The following TSHZ2 variants were observed in gnomAD, a reference collection of about 807,000 sequenced individuals.
TSHZ2 encodes teashirt homolog 2.
In TSHZ2, 21 loss-of-function variants were observed where a neutral mutation model predicts 74.4. The ratio of observed to expected loss-of-function variants is 0.28; its 90% CI spans 0.20 to 0.41. The LOEUF is 0.41. Ranked by LOEUF, TSHZ2 falls within the 10% of genes least tolerant of loss-of-function variation. The probability of loss-of-function intolerance (pLI) is 1.00; values close to 1 mark genes in which losing one functional copy is unlikely to be tolerated. For synonymous variants in TSHZ2, 540 were observed against 515.3 expected (o/e 1.05, Z -0.65); for missense variants, 1,244 against 1,293.5 (o/e 0.96, Z 0.59).
At chr20:53,153,935 C>T (rs570609567) in intron 1 of TSHZ2, among the ~76,000 whole-genome samples, 1 of 152,290 alleles carries the variant, frequency 6.6e-6, no homozygotes, top group Admixed American at 6.5e-5. Context: ...TAGGCTTGTT[C>T]CCATGGTGGT....
chr20:53,135,037 A>AC (rs1424570713), intron 1 of TSHZ2, among the ~76,000 whole-genome samples: 2 of 92,010 alleles, frequency 2.2e-5, no homozygotes, highest in South Asian at 3.4e-4. Flanking sequence ...CACACACACA[A>AC]GGGTTGTGGC....
intron 2 of TSHZ2, among the ~76,000 whole-genome samples, chr20:53,395,890 G>C (rs950927941): frequency 1.3e-5 from 2 of 152,176 alleles, no homozygotes; most frequent in African/African-American, 4.8e-5. Context: ...ACATGACCTT[G>C]GGGTAATGAG....
chr20:53,256,125 G>T lies in TSHZ2; in HGVS notation c.2667G>T (p.Thr889=), dbSNP rs374438468. 3.1e-6 allele frequency: 5 copies of T among 1,613,922 alleles called. No homozygotes were observed. In the African/African-American group the frequency reaches 6.7e-5, roughly 22 times the overall value. ...PQERMQISKF[T]GLSMTTISHW... is the part of the protein sequence containing the mutation. ...AGCGTATGCAAATCTCTAAGTTTAC[G>T]GGACTCTCAATGACCACTATCAGTC... is the stretch of plus-strand genomic sequence containing the variant. The change falls in exon 2 of 3, where the codon ACG becomes ACT. Residue 889 remains threonine, a synonymous_variant. Coordinates refer to ENST00000371497, the MANE Select transcript of TSHZ2 (RefSeq NM_173485.6). This position sits in a 1 kb window ranked among gnomAD's most constrained non-coding sequence, Gnocchi z 4.3.
At chr20:53,451,709 A>G (rs929770880) in intron 2 of TSHZ2, among the ~76,000 whole-genome samples, 1 of 152,128 alleles carries the variant, frequency 6.6e-6, no homozygotes, top group Non-Finnish European at 1.5e-5. Flanking sequence ...TCTTTTTCAT[A>G]CTTTTCTCTA....
intron 2 of TSHZ2, among the ~76,000 whole-genome samples, chr20:53,451,525 G>A (rs1329619331): frequency 6.6e-6 from 1 of 152,032 alleles, no homozygotes; most frequent in African/African-American, 2.4e-5. Context: ...AGATATTTTG[G>A]GACTTCTCTT....
Position 52,973,029 on chromosome 20 carries a change from T to TAAAC in TSHZ2, c.-250_-247dup, listed in dbSNP as rs371279291. Reference sequence around the variant, plus strand: ...AAGAGAGAGGAAAAAAAATTCAAAATAAACAAACAAACAAACAAGGCAGAA... The same window carrying TAAAC: ...AAGAGAGAGGAAAAAAAATTCAAAATAAACAAACAAACAAACAAACAAGGCAGAA... On this transcript the variant is annotated 5_prime_UTR_variant, in exon 1 of 3. It introduces an in-frame stop codon into an upstream open reading frame of the 5' UTR. Coordinates refer to ENST00000371497, the MANE Select transcript of TSHZ2 (RefSeq NM_173485.6). The TAAAC allele has an allele frequency of 1.2e-4, 44 of 380,768 alleles. No homozygotes were observed. The highest frequency in any genetic ancestry group is 3.7e-4 in the African/African-American group (16 of 43,586). 23.6% of individuals were successfully genotyped at this position (380,768 alleles called of 1,614,324 possible). A position where few individuals can be genotyped will look rare whatever the true frequency, so the allele number is the denominator to read the frequency against.
At chr20:53,169,784 C>T (rs1014065372) in intron 1 of TSHZ2, among the ~76,000 whole-genome samples, 1 of 152,090 alleles carries the variant, frequency 6.6e-6, no homozygotes, top group Non-Finnish European at 1.5e-5. Flanking sequence ...ATTTGCATAT[C>T]AATTAATAAA....
At chr20:53,263,551 G>A (rs1042692177) in intron 2 of TSHZ2, among the ~76,000 whole-genome samples, 1 of 152,110 alleles carries the variant, frequency 6.6e-6, no homozygotes, top group African/African-American at 2.4e-5. Context: ...TAGTCGAGAG[G>A]GTTTTTTTAA....
At position 53,049,340 on chromosome 20, in the gene TSHZ2, G is replaced by A. The variant is rs551071956; in HGVS notation, c.40+76007G>A. Among the ~76,000 whole-genome samples, 6 of 151,872 alleles carry A rather than the reference G, an allele frequency of 4.0e-5. No homozygotes were observed. In the South Asian group the frequency reaches 6.3e-4, roughly 16 times the overall value. On this transcript the variant is annotated intron_variant, in intron 1 of 2. Coordinates refer to ENST00000371497, the MANE Select transcript of TSHZ2 (RefSeq NM_173485.6). ...GACTGGGCCCCCAGCTCCTATTCAC[G>A]GTGCTCTTCCAGTACGAATTCCTGC...
chr20:53,254,954 A>T lies in TSHZ2; in HGVS notation c.1496A>T (p.Gln499Leu), dbSNP rs1385866597. The T allele has an allele frequency of 4.3e-6, 7 of 1,613,800 alleles. No individual in the cohort carries two copies. In the South Asian group the frequency reaches 6.6e-5, roughly 15 times the overall value. The change falls in exon 2 of 3, where the codon CAA (glutamine) becomes CTA (leucine). Residue 499 changes from glutamine (Q) to leucine (L), a missense_variant. Around this residue, in one of 6 missense-constraint regions of TSHZ2, gnomAD observed 562 missense variants for 544.0 expected, o/e 1.03. Transcript: ENST00000371497. ...QKPLDPTIKYQYLREEDLEDG... is the reference protein window; with the variant it reads ...QKPLDPTIKYLYLREEDLEDG... ...CCTTTAGACCCTACAATCAAATATC[A>T]ATACCTAAGGGAGGAAGACTTGGAA...
At chr20:53,284,774 TAGAG>T (rs1014141188) in intron 2 of TSHZ2, among the ~76,000 whole-genome samples, 9 of 112,350 alleles carry the variant, frequency 8.0e-5, no homozygotes, top group Middle Eastern at 7.6e-3. Flanking sequence ...GAGAGAGAAA[TAGAG>T]AGAGGAAGAG....
chr20:53,421,022 A>C (rs1983448826), intron 2 of TSHZ2, among the ~76,000 whole-genome samples: 1 of 152,084 alleles, frequency 6.6e-6, no homozygotes, highest in African/African-American at 2.4e-5. Flanking sequence ...TTTGGCATAA[A>C]CTCAGGACCC....
At chr20:53,248,236 A>ATT (rs763355998) in intron 1 of TSHZ2, among the ~76,000 whole-genome samples, 184 of 144,968 alleles carry the variant, frequency 1.3e-3, no homozygotes, top group African/African-American at 3.3e-3. Context: ...ATGCCTGGCT[A>ATT]TTTTTTTTTT....
chr20:53,379,296 C>T (rs1981775962), intron 2 of TSHZ2, among the ~76,000 whole-genome samples: 1 of 152,204 alleles, frequency 6.6e-6, no homozygotes, highest in South Asian at 2.1e-4. Context: ...GTGGGAGGAT[C>T]ACCTGAGCCC....
chr20:53,163,983 T>C (rs1222172541), intron 1 of TSHZ2, among the ~76,000 whole-genome samples: 1 of 152,272 alleles, frequency 6.6e-6, no homozygotes, highest in Non-Finnish European at 1.5e-5. Flanking sequence ...TATTATATTG[T>C]AATAACCATG....
At chr20:53,263,172 C>T (rs544988995) in intron 2 of TSHZ2, among the ~76,000 whole-genome samples, 1 of 152,318 alleles carries the variant, frequency 6.6e-6, no homozygotes, top group South Asian at 2.1e-4. Flanking sequence ...TACTTTCCAA[C>T]TCAGACATCT....
At chr20:53,463,149 G>T (rs957479185) in intron 2 of TSHZ2, among the ~76,000 whole-genome samples, 1 of 152,202 alleles carries the variant, frequency 6.6e-6, no homozygotes, top group African/African-American at 2.4e-5. Flanking sequence ...CATAAGATTT[G>T]CTGCCTTTAT....
rs1404898083 is a variant in TSHZ2 at position 53,255,234 on chromosome 20, A to G, written c.1776A>G (p.Thr592=). 6.2e-7 allele frequency: 1 copy of G among 1,614,216 alleles called. No individual in the cohort carries two copies. The highest frequency in any genetic ancestry group is 8.5e-7 in the Non-Finnish European group (1 of 1,180,040). ...WKVMPLVSMP[T]HLAPYTQVKK... ...TGATGCCACTGGTTTCTATGCCCAC[A>G]CACCTGGCCCCTTACACTCAAGTCA... Residue 592 remains threonine, a synonymous_variant, in exon 2 of 3, where the codon ACA becomes ACG. Coordinates refer to ENST00000371497, the MANE Select transcript of TSHZ2 (RefSeq NM_173485.6). The surrounding 1 kb of genome is among the most constrained non-coding windows in gnomAD (Gnocchi z 4.1).
At chr20:53,023,130 A>G (rs999155863) in intron 1 of TSHZ2, among the ~76,000 whole-genome samples, 2 of 152,192 alleles carry the variant, frequency 1.3e-5, no homozygotes, top group Non-Finnish European at 2.9e-5. Flanking sequence ...AAATCCCAGG[A>G]TGGAAGTCTT....
Sources: gnomAD v4.1 joint callset for allele counts (sites outside exome capture counted in the v4.1 genomes callset) on GRCh38, gnomAD v4.1.1 for gene constraint, gnomAD v4.1.1 regional missense constraint, Gnocchi (gnomAD v3.1) non-coding constraint, MANE v1.5 for transcripts, NCBI Gene and HGNC (gene_info 2026-07-23, HGNC 2026-07-21) for gene names.